Variants in SLC7A2 observed in about 807,000 individuals in gnomAD.
SLC7A2 encodes solute carrier family 7 member 2, also known as cationic amino acid transporter 2.
In SLC7A2, 48 loss-of-function variants were observed where a neutral mutation model predicts 58.9. The ratio of observed to expected loss-of-function variants is 0.82; its 90% CI spans 0.65 to 1.04. The LOEUF is 1.04. Ranked by LOEUF, SLC7A2 falls within the 50% of genes least tolerant of loss-of-function variation. The probability of loss-of-function intolerance (pLI) is 0.00; values close to 1 mark genes in which losing one functional copy is unlikely to be tolerated. For synonymous variants in SLC7A2, 363 were observed against 314.5 expected, an observed-to-expected ratio of 1.15 and a Z score of -1.63; for missense variants, 1,029 against 818.8, an observed-to-expected ratio of 1.26 and a Z score of -3.13.
intron 2 of SLC7A2, among the ~76,000 whole-genome samples, chr8:17,506,540 G>A (rs907397167): frequency 1.3e-5 from 2 of 152,262 alleles, no homozygotes; most frequent in East Asian, 3.9e-4. Flanking sequence ...TTCTGGCACG[G>A]TGCTAGACGA....
At chr8:17,507,206 A>C (rs2150656667) in intron 2 of SLC7A2, among the ~76,000 whole-genome samples, 1 of 152,216 alleles carries the variant, frequency 6.6e-6, no homozygotes, top group South Asian at 2.1e-4. Context: ...CGGCCCCACA[A>C]AGTGCTGCGA....
At chr8:17,495,627 G>A (rs1263075505), upstream of SLC7A2, among the ~76,000 whole-genome samples, 1 of 152,124 alleles carries the variant, frequency 6.6e-6, no homozygotes, top group African/African-American at 2.4e-5. Flanking sequence ...TCGGCTCACT[G>A]CAACCTCCGC....
At position 17,543,412 on chromosome 8, in the gene SLC7A2, C is replaced by G. The variant is rs1037242696; in HGVS notation, c.73C>G (p.Leu25Val). Residue 25 changes from leucine to valine, a missense_variant, in exon 3 of 13, where the codon CTA (leucine) becomes GTA (valine). Coordinates refer to ENST00000494857, the MANE Select transcript of SLC7A2 (RefSeq NM_001370338.1). ...GAGAAAAATCGTGACCCTGGACAGT[C>G]TAGAAGACACCAAATTATGCCGCTG... Reference protein sequence around the residue: ...IRRKIVTLDSLEDTKLCRCLS... With the variant: ...IRRKIVTLDSVEDTKLCRCLS... 1.9e-6 allele frequency: 3 copies of G among 1,614,178 alleles called. No homozygotes were observed. Among genetic ancestry groups the G allele is most frequent in the South Asian group, 1.1e-5 (1 of 91,080 alleles).
At chr8:17,528,294 T>G (rs772519781) in intron 2 of SLC7A2, among the ~76,000 whole-genome samples, 1 of 152,156 alleles carries the variant, frequency 6.6e-6, no homozygotes, top group Non-Finnish European at 1.5e-5. Context: ...GGCTTTATAT[T>G]TGCCTCCCTA....
chr8:17,514,624 A>G (rs1391167697), intron 2 of SLC7A2, among the ~76,000 whole-genome samples: 2 of 152,204 alleles, frequency 1.3e-5, no homozygotes, highest in African/African-American at 2.4e-5. Context: ...TTTGCTTGGT[A>G]GAAGGTCCTT....
At chr8:17,534,214 A>T (rs545534887) in intron 2 of SLC7A2, among the ~76,000 whole-genome samples, 1 of 152,174 alleles carries the variant, frequency 6.6e-6, no homozygotes, top group South Asian at 2.1e-4. Flanking sequence ...GGTTTCATCC[A>T]GGTCTTTGGG....
At chr8:17,513,479 C>G (rs1048570728) in intron 2 of SLC7A2, among the ~76,000 whole-genome samples, 2 of 152,072 alleles carry the variant, frequency 1.3e-5, no homozygotes, top group Non-Finnish European at 2.9e-5. Flanking sequence ...TGGTTTGTTT[C>G]CATGATTTTA....
intron 1 of SLC7A2, among the ~76,000 whole-genome samples, chr8:17,501,310 G>A (rs775316839): frequency 6.6e-6 from 1 of 152,162 alleles, no homozygotes; most frequent in Non-Finnish European, 1.5e-5. Flanking sequence ...CACTGTGCTC[G>A]GCCTCTTATG....
intron 2 of SLC7A2, among the ~76,000 whole-genome samples, chr8:17,502,542 G>A (rs1199409337): frequency 6.6e-6 from 1 of 152,170 alleles, no homozygotes; most frequent in East Asian, 1.9e-4. Context: ...CATTGCACAA[G>A]GAAGATTTCC....
At chr8:17,534,480 A>G (rs1222722978) in intron 2 of SLC7A2, among the ~76,000 whole-genome samples, 1 of 152,206 alleles carries the variant, frequency 6.6e-6, no homozygotes, top group African/African-American at 2.4e-5. Context: ...GGGCATTGCC[A>G]AGACTCAGAG....
At chr8:17,530,607 C>G (rs1179650272) in intron 2 of SLC7A2, among the ~76,000 whole-genome samples, 1 of 148,862 alleles carries the variant, frequency 6.7e-6, no homozygotes, top group South Asian at 2.1e-4. Context: ...GGGTCTCTCT[C>G]TGACACCCAG....
At chr8:17,501,687 C>T (rs1800166266) in intron 1 of SLC7A2, among the ~76,000 whole-genome samples, 1 of 151,918 alleles carries the variant, frequency 6.6e-6, no homozygotes, top group Middle Eastern at 3.4e-3. Context: ...AATTTTTCAC[C>T]GTATCCCCAT....
chr8:17,521,186 G>A (rs1476055412), intron 2 of SLC7A2, among the ~76,000 whole-genome samples: 1 of 152,114 alleles, frequency 6.6e-6, no homozygotes, highest in Admixed American at 6.5e-5. Flanking sequence ...TTTAAAATAT[G>A]AAATTGTATA....
intron 12 of SLC7A2, 87 bp downstream of exon 12, chr8:17,563,798 G>C (rs1387124256): frequency 1.3e-6 from 1 of 798,686 alleles, no homozygotes; most frequent in Non-Finnish European, 2.1e-6. Context: ...GGGAATAAAG[G>C]CTTTTTTTTC....
intron 2 of SLC7A2, among the ~76,000 whole-genome samples, chr8:17,509,751 C>G (rs2517231): frequency 0.043 from 6,585 of 152,204 alleles, 155 homozygotes; most frequent in Middle Eastern, 0.068. Flanking sequence ...GTTCATTTCA[C>G]TAAAACAGCT....
At chr8:17,497,468 T>A (rs1226092039) in intron 1 of SLC7A2, among the ~76,000 whole-genome samples, 1 of 152,100 alleles carries the variant, frequency 6.6e-6, no homozygotes, top group African/African-American at 2.4e-5. Flanking sequence ...CCGTGGACCT[T>A]CGTCCTCGGG....
At chr8:17,527,372 G>C (rs1372519205) in intron 2 of SLC7A2, among the ~76,000 whole-genome samples, 1 of 152,162 alleles carries the variant, frequency 6.6e-6, no homozygotes, top group South Asian at 2.1e-4. Flanking sequence ...CCATGTTTCA[G>C]TCACTGGGAA....
At chr8:17,527,603 T>A (rs1412896535) in intron 2 of SLC7A2, among the ~76,000 whole-genome samples, 1 of 151,890 alleles carries the variant, frequency 6.6e-6, no homozygotes, top group Non-Finnish European at 1.5e-5. Flanking sequence ...CAGGGGAGGG[T>A]CATTCCTTGC....
chr8:17,515,216 C>T (rs1800755408), intron 2 of SLC7A2, among the ~76,000 whole-genome samples: 1 of 151,936 alleles, frequency 6.6e-6, no homozygotes, highest in African/African-American at 2.4e-5. Flanking sequence ...CCAAAGTCAT[C>T]AATAATGAGG....
Sources: allele counts gnomAD v4.1 joint callset (sites outside exome capture counted in the v4.1 genomes callset), GRCh38; gene constraint gnomAD v4.1.1; transcripts MANE v1.5; gene names NCBI Gene and HGNC (gene_info 2026-07-23, HGNC 2026-07-21).